Variants in TCF4 observed in about 807,000 individuals in gnomAD.
TCF4 encodes the protein SL3-3 enhancer factor 2.
A neutral mutation model predicts 82.1 loss-of-function variants in TCF4; 3 were observed. That is an observed-to-expected ratio of 0.04 (90% CI 0.02 to 0.09). TCF4 has a LOEUF of 0.09. TCF4 is among the 10% of genes least tolerant of loss of function. The pLI is 1.00. For synonymous variants in TCF4, 276 were observed against 309.6 expected, an observed-to-expected ratio of 0.89 and a Z score of 1.14; for missense variants, 518 against 852.7, an observed-to-expected ratio of 0.61 and a Z score of 4.89.
chr18:55,616,243 A>C (rs1471459449), intron 2 of TCF4, among the ~76,000 whole-genome samples: 1 of 152,078 alleles, frequency 6.6e-6, no homozygotes. Flanking sequence ...TCCTTCTGTG[A>C]CTGGCTTATT....
chr18:55,407,669 T>C (rs547614878), intron 5 of TCF4, among the ~76,000 whole-genome samples: 1 of 140,994 alleles, frequency 7.1e-6, no homozygotes, highest in African/African-American at 2.7e-5. Context: ...AAAAAAAAAG[T>C]CAATGTTTTG....
In TCF4 at chr18:55,350,939, C is replaced by A; in HGVS notation, c.434G>T (p.Gly145Val). The A allele has an allele frequency of 6.2e-7, 1 of 1,613,652 alleles. No homozygotes were observed. The highest frequency in any genetic ancestry group is 8.5e-7 in the Non-Finnish European group (1 of 1,179,652). The change falls in exon 7 of 20, where the codon GGT becomes GTT. Residue 145 changes from glycine to valine, a missense_variant. Physicochemically the swap from Gly to Val is moderately radical, Grantham distance 109. This residue lies in a region of TCF4 where 211 missense variants were observed against 327.4 expected (regional missense o/e 0.64). Coordinates refer to ENST00000354452, the MANE Select transcript of TCF4 (RefSeq NM_001083962.2). ...GCTAGAATACTGATAGTACTGGGAACCAGGTTTGGTGGGCGAAAGGGTTCC... is the reference window on the plus strand; with the variant it reads ...GCTAGAATACTGATAGTACTGGGAAACAGGTTTGGTGGGCGAAAGGGTTCC... ...NPGTLSPTKPGSQYYQYSSNN... is the reference protein window; with the variant it reads ...NPGTLSPTKPVSQYYQYSSNN...
At chr18:55,504,296 T>C (rs185433874) in intron 3 of TCF4, among the ~76,000 whole-genome samples, 47 of 152,308 alleles carry the variant, frequency 3.1e-4, no homozygotes, top group African/African-American at 8.2e-4. Context: ...CTATGAAGAC[T>C]AAACCATTTC....
At chr18:55,512,733 C>T (rs1603618045) in intron 3 of TCF4, among the ~76,000 whole-genome samples, 1 of 151,846 alleles carries the variant, frequency 6.6e-6, no homozygotes, top group East Asian at 1.9e-4. Context: ...GATGGTGACA[C>T]AGAAGATTAT....
intron 8 of TCF4, chr18:55,321,720 T>G: frequency 2.0e-6 from 3 of 1,536,128 alleles, no homozygotes; most frequent in Non-Finnish European, 2.6e-6. Flanking sequence ...ATGCCCGGGA[T>G]TGTGTATGCG....
At chr18:55,231,917 A>G (rs2048031437) in intron 17 of TCF4, 1 of 152,546 alleles carries the variant, frequency 6.6e-6, no homozygotes, top group African/African-American at 2.4e-5. Context: ...TGATTACCAG[A>G]TTAAAGTTCA....
At chr18:55,317,182 A>C (rs1036646068) in intron 8 of TCF4, among the ~76,000 whole-genome samples, 3 of 151,982 alleles carry the variant, frequency 2.0e-5, no homozygotes, top group African/African-American at 7.3e-5. Context: ...GGGTAAATTA[A>C]AGTGCCAACT....
chr18:55,520,108 A>G (rs1244492648), intron 3 of TCF4, among the ~76,000 whole-genome samples: 1 of 152,184 alleles, frequency 6.6e-6, no homozygotes, highest in Non-Finnish European at 1.5e-5. Context: ...ACCTAAAATG[A>G]ATTTTTATTT....
At chr18:55,560,832 C>T (rs1215473613) in intron 3 of TCF4, among the ~76,000 whole-genome samples, 1 of 151,996 alleles carries the variant, frequency 6.6e-6, no homozygotes, top group East Asian at 1.9e-4. Context: ...TATAAAAAGT[C>T]TGTACTGTTC....
At chr18:55,301,348 G>C (rs2068218978) in intron 8 of TCF4, among the ~76,000 whole-genome samples, 1 of 152,154 alleles carries the variant, frequency 6.6e-6, no homozygotes, top group Non-Finnish European at 1.5e-5. Context: ...TCTCGCCTCT[G>C]CATGTATATA....
rs557645360 is a variant in TCF4, at chr18:55,544,485, G to A, written c.145+40795C>T. ...TTCTCTCCCCATTACTTAGAGATAAGATCATTTCTAACATCCCTCACAAGA... is the reference window on the plus strand; with the variant it reads ...TTCTCTCCCCATTACTTAGAGATAAAATCATTTCTAACATCCCTCACAAGA... On this transcript the variant is annotated intron_variant, in intron 3 of 19. Coordinates refer to ENST00000354452, the MANE Select transcript of TCF4 (RefSeq NM_001083962.2). Among the ~76,000 whole-genome samples the A allele has an allele frequency of 4.6e-4, 70 of 152,254 alleles. No homozygotes were observed. The South Asian group carries it at 6.0e-3, about 13-fold the overall frequency.
intron 5 of TCF4, among the ~76,000 whole-genome samples, chr18:55,433,794 G>C (rs1260442918): frequency 1.3e-5 from 2 of 152,112 alleles, no homozygotes; most frequent in East Asian, 3.9e-4. Flanking sequence ...TTCTATTTTA[G>C]TTCCAAGCAA....
intron 5 of TCF4, among the ~76,000 whole-genome samples, chr18:55,407,388 C>T (rs1022606956): frequency 4.6e-5 from 7 of 152,102 alleles, no homozygotes; most frequent in African/African-American, 1.7e-4. Flanking sequence ...AATGAGCAGA[C>T]ACAACATCCG....
intron 3 of TCF4, among the ~76,000 whole-genome samples, chr18:55,468,579 T>C (rs545971922): frequency 6.6e-6 from 1 of 152,362 alleles, no homozygotes; most frequent in Admixed American, 6.5e-5. Flanking sequence ...TATATACAGC[T>C]ATAGAGCTAT....
chr18:55,569,501 C>T (rs1055794135), intron 3 of TCF4, among the ~76,000 whole-genome samples: 9 of 151,772 alleles, frequency 5.9e-5, no homozygotes, highest in Admixed American at 2.0e-4. Context: ...GCTAAGATCA[C>T]GCCACTGCAC....
intron 8 of TCF4, among the ~76,000 whole-genome samples, chr18:55,283,450 A>C (rs1054239513): frequency 1.3e-5 from 2 of 152,210 alleles, no homozygotes; most frequent in Admixed American, 1.3e-4. Context: ...ACTTACGGAC[A>C]TTTTAAAATA....
intron 9 of TCF4, 136 bp from the exon 10 acceptor site, chr18:55,275,888 G>C (rs1417719266): frequency 6.4e-6 from 7 of 1,100,546 alleles, no homozygotes; most frequent in African/African-American, 1.5e-5. Context: ...TACATCAGAA[G>C]ACAGTCATCA....
At chr18:55,241,117 C>T (rs2051066941) in intron 15 of TCF4, among the ~76,000 whole-genome samples, 2 of 152,292 alleles carry the variant, frequency 1.3e-5, no homozygotes, top group East Asian at 3.9e-4. Context: ...GCTGAAACTC[C>T]CCTGGATGTT....
chr18:55,515,157 T>C (rs2096868990), intron 3 of TCF4, among the ~76,000 whole-genome samples: 1 of 151,912 alleles, frequency 6.6e-6, no homozygotes, highest in Non-Finnish European at 1.5e-5. Flanking sequence ...AATGTAAAGA[T>C]GGAGAAACAA....
Sources: allele counts gnomAD v4.1 joint callset (sites outside exome capture counted in the v4.1 genomes callset), GRCh38; gene constraint gnomAD v4.1.1; regional missense constraint gnomAD v4.1.1; transcripts MANE v1.5; gene names NCBI Gene and HGNC (gene_info 2026-07-23, HGNC 2026-07-21).